POLI: variants seen among roughly 807,000 people sequenced by gnomAD.
POLI encodes RAD30 homolog B.
A neutral mutation model predicts 51.6 loss-of-function variants in POLI; 58 were observed. The ratio of observed to expected loss-of-function variants is 1.12; its 90% confidence interval spans 0.91 to 1.40. The LOEUF (loss-of-function observed/expected upper bound fraction) is 1.40. POLI is among the 40% of genes most tolerant of loss of function. The pLI is 0.00. For synonymous variants in POLI, 322 were observed against 299.7 expected (o/e 1.07, Z -0.77); for missense variants, 921 against 871.3 (o/e 1.06, Z -0.72).
In POLI at chr18:54,269,679, G is replaced by T; in HGVS notation, c.115+18G>T. The T allele has an allele frequency of 6.7e-7, 1 of 1,496,016 alleles. No homozygotes were observed. The highest frequency in any genetic ancestry group is 8.9e-7 in the Non-Finnish European group (1 of 1,128,526). 92.7% of individuals were successfully genotyped at this position (1,496,016 alleles called of 1,614,324 possible). A position where few individuals can be genotyped will look rare whatever the true frequency, so the allele number is the denominator to read the frequency against. On this transcript the variant is annotated intron_variant, in intron 1 of 9. Transcript: ENST00000579534. ...CTCGCAGGGTGCGCCGCAGCCAGAG[G>T]AGCCAGCGGCCTCCTTGGGTGTAAA...
chr18:54,307,731 A>G (rs1320879900), intron 3 of POLI, among the ~76,000 whole-genome samples: 1 of 152,170 alleles, frequency 6.6e-6, no homozygotes, highest in Non-Finnish European at 1.5e-5. Flanking sequence ...GTCTCTTTGT[A>G]GATCACTAAG....
At chr18:54,320,803 C>G (rs1297539116) in intron 4 of POLI, among the ~76,000 whole-genome samples, 2 of 145,802 alleles carry the variant, frequency 1.4e-5, no homozygotes, top group Admixed American at 7.0e-5. Flanking sequence ...CTTGGATAGG[C>G]TTTTCTATTT....
At position 54,297,150 on chromosome 18, in the gene POLI, G is replaced by T; in HGVS notation, c.*2683G>T. On this transcript the variant is annotated 3_prime_UTR_variant, in exon 10 of 10. Transcript: ENST00000579534. ...ACCCTTACTACTAGCCGAAGGTTTT[G>T]TCTCTGCAGGTCAATTCCAAACTAA... 3.0e-6 allele frequency: 3 copies of T among 985,408 alleles called. No individual in the cohort carries two copies. Among genetic ancestry groups the T allele is most frequent in the Non-Finnish European group, 3.6e-6 (3 of 829,908 alleles). The allele number at this position is 985,408 out of a possible 1,614,324, so 61.0% of individuals were successfully genotyped here.
intron 1 of POLI, 165 bp from the exon 2 acceptor site, chr18:54,271,195 G>T: frequency 3.7e-6 from 2 of 533,548 alleles, no homozygotes; most frequent in Non-Finnish European, 6.6e-6. Context: ...TACCCTAAGT[G>T]GAGTTTCATG....
At position 54,294,821 on chromosome 18, in the gene POLI, T is replaced by C. The variant is rs1182954134; in HGVS notation, c.*354T>C. 2.0e-6 allele frequency: 2 copies of C among 986,592 alleles called. No homozygotes were observed. Among genetic ancestry groups the C allele is most frequent in the Non-Finnish European group, 2.4e-6 (2 of 830,316 alleles). 61.1% of individuals were successfully genotyped at this position (986,592 alleles called of 1,614,324 possible). A position where few individuals can be genotyped will look rare whatever the true frequency, so the allele number is the denominator to read the frequency against. The stretch of plus-strand genomic sequence containing the variant: ...ATGATATGGTAAAGGACACATTTTT[T>C]TTTTTTTTTTCCTGTGAAATGTGGA... On this transcript the variant is annotated 3_prime_UTR_variant, in exon 10 of 10. Transcript: ENST00000579534.
intron 1 of POLI, chr18:54,269,910 C>G: frequency 8.2e-7 from 1 of 1,225,902 alleles, no homozygotes; most frequent in Non-Finnish European, 1.0e-6. Flanking sequence ...TCTGCGCCGT[C>G]CTTTCCTCTG....
At chr18:54,299,955 A>G (rs973511834), downstream of POLI, among the ~76,000 whole-genome samples, 24 of 151,960 alleles carry the variant, frequency 1.6e-4, no homozygotes. Context: ...ACATCCTCAA[A>G]TAAAGTAAAG....
intron 3 of POLI, among the ~76,000 whole-genome samples, chr18:54,276,974 C>G (rs1484644108): frequency 6.6e-6 from 1 of 152,102 alleles, no homozygotes; most frequent in Non-Finnish European, 1.5e-5. Flanking sequence ...AAGTGAAAAA[C>G]TTTCTCAATG....
rs777652682 is a variant in POLI, at chr18:54,287,270, T to C, written c.1068-11T>C. 10 of 1,532,708 alleles carry C rather than the reference T, an allele frequency of 6.5e-6. No individual in the cohort carries two copies. The highest frequency in any genetic ancestry group is 8.0e-6 in the Non-Finnish European group (9 of 1,126,556). The allele number at this position is 1,532,708 out of a possible 1,614,324, so 94.9% of individuals were successfully genotyped here. ...TCTAATTCCTTATTTCCACTTTCTC[T>C]TTATTTTTAGAGTATGCCAAGATGG... On this transcript the variant is annotated splice_polypyrimidine_tract_variant and intron_variant, in intron 7 of 9. Coordinates refer to ENST00000579534, the MANE Select transcript of POLI (RefSeq NM_007195.3).
chr18:54,293,765 A>G lies in POLI; in HGVS notation c.1521A>G (p.Thr507=), dbSNP rs2144596774. 1 of 1,605,192 alleles carries G rather than the reference A, an allele frequency of 6.2e-7. No homozygotes were observed. The highest frequency in any genetic ancestry group is 2.2e-5 in the East Asian group (1 of 44,642). Residue 507 remains threonine, a synonymous_variant, in exon 10 of 10, where the codon ACA becomes ACG. Transcript: ENST00000579534. The part of the protein sequence containing the change: ...TRTRESPLDT[T]NFSKEKDINE... ...CTAGGGAGTCTCCACTAGATACCAC[A>G]AATTTTTCTAAAGAAAAAGACATTA...
chr18:54,271,112 T>G (rs2086984758), intron 1 of POLI: 1 of 307,578 alleles, frequency 3.3e-6, no homozygotes, highest in Non-Finnish European at 5.9e-6. Context: ...TTATCACATT[T>G]TTTCCCTTCA....
chr18:54,270,480 T>C (rs1032200943), intron 1 of POLI: 1 of 152,264 alleles, frequency 6.6e-6, no homozygotes. Context: ...TTTGGAACTT[T>C]AGGTTTACCT....
intron 2 of POLI, chr18:54,272,338 A>G (rs1384611976): frequency 2.0e-5 from 3 of 152,216 alleles, no homozygotes; most frequent in Non-Finnish European, 2.9e-5. Context: ...GAGTAGTAGC[A>G]CTGTGTTATA....
intron 2 of POLI, among the ~76,000 whole-genome samples, chr18:54,272,810 C>T (rs561769380): frequency 6.6e-6 from 1 of 151,832 alleles, no homozygotes; most frequent in East Asian, 1.9e-4. Context: ...TAATGTAATG[C>T]TCTATTAAAG....
rs2087789934 is a variant in POLI at position 54,287,265 on chromosome 18, T to A, written c.1068-16T>A. ...ACTTTTCTAATTCCTTATTTCCACTTTCTCTTTATTTTTAGAGTATGCCAA... is the reference window on the plus strand; with the variant it reads ...ACTTTTCTAATTCCTTATTTCCACTATCTCTTTATTTTTAGAGTATGCCAA... On this transcript the variant is annotated splice_polypyrimidine_tract_variant and intron_variant, in intron 7 of 9. Transcript: ENST00000579534. 1.3e-6 allele frequency: 2 copies of A among 1,516,892 alleles called. No individual in the cohort carries two copies. Among genetic ancestry groups the A allele is most frequent in the Non-Finnish European group, 1.8e-6 (2 of 1,114,142 alleles). The allele number at this position is 1,516,892 out of a possible 1,614,324, so 94.0% of individuals were successfully genotyped here. A position where few individuals can be genotyped will look rare whatever the true frequency, so the allele number is the denominator to read the frequency against.
At chr18:54,275,764 G>A (rs2087213288) in intron 3 of POLI, among the ~76,000 whole-genome samples, 1 of 151,778 alleles carries the variant, frequency 6.6e-6, no homozygotes, top group African/African-American at 2.4e-5. Context: ...TTTTAATTTG[G>A]GTTGTTCATC....
In POLI at chr18:54,277,824, G is replaced by A; in HGVS notation, c.528G>A (p.Val176=). 1 of 1,612,998 alleles carries A rather than the reference G, an allele frequency of 6.2e-7. No homozygotes were observed. Among genetic ancestry groups the A allele is most frequent in the Non-Finnish European group, 8.5e-7 (1 of 1,179,294 alleles). The change falls in exon 4 of 10, where the codon GTG becomes GTA. Residue 176 remains valine (V), a synonymous_variant. Transcript: ENST00000579534. ...TGCAAAGTGATGAACTTTCTGCGGT[G>A]ACTGTGTCGGGTCATGTATACAATA... ...QQLQSDELSA[V]TVSGHVYNNQ...
chr18:54,272,351 A>T (rs1184525053), intron 2 of POLI: 2 of 152,180 alleles, frequency 1.3e-5, no homozygotes, highest in African/African-American at 4.8e-5. Flanking sequence ...GTGTTATAAG[A>T]TGTTCTGTAG....
chr18:54,297,500 A>G lies in POLI; in HGVS notation c.*3033A>G, dbSNP rs936023277. 9.2e-6 allele frequency: 9 copies of G among 981,562 alleles called. No homozygotes were observed. The highest frequency in any genetic ancestry group is 9.7e-6 in the Non-Finnish European group (8 of 826,746). 60.8% of individuals were successfully genotyped at this position (981,562 alleles called of 1,614,324 possible). A position where few individuals can be genotyped will look rare whatever the true frequency, so the allele number is the denominator to read the frequency against. On this transcript the variant is annotated 3_prime_UTR_variant, in exon 10 of 10. Transcript: ENST00000579534. ...TTGTACTAGGAGAACTCTAAAAAGT[A>G]TCTATTCCACTGTAGTGCCAAAGTA...
Sources: gnomAD v4.1 joint callset for allele counts (sites outside exome capture counted in the v4.1 genomes callset) on GRCh38, gnomAD v4.1.1 for gene constraint, MANE v1.5 for transcripts, NCBI Gene and HGNC (gene_info 2026-07-23, HGNC 2026-07-21) for gene names.